Variants in AATK observed in about 807,000 individuals in gnomAD.
AATK encodes lemur tail kinase 1.
A neutral mutation model predicts 114.3 loss-of-function variants in AATK; 91 were observed. That is an observed-to-expected ratio of 0.80 (90% CI 0.67 to 0.95). The LOEUF is 0.95. AATK is among the 40% of genes least tolerant of loss of function. AATK has a pLI of 0.00. For missense variants in AATK, 2,176 were observed against 1,965.2 expected (o/e 1.11, Z -2.03); for synonymous variants, 1,075 against 916.5 (o/e 1.17, Z -3.12).
At chr17:81,151,289 T>G (rs1459753427) in intron 1 of AATK, among the ~76,000 whole-genome samples, 1 of 99,906 alleles carries the variant, frequency 1.0e-5, no homozygotes, top group Admixed American at 9.4e-5. Context: ...CCCACCTGTC[T>G]CCCCCACCGA....
At chr17:81,159,300 G>A (rs960733204) in intron 1 of AATK, among the ~76,000 whole-genome samples, 3 of 152,134 alleles carry the variant, frequency 2.0e-5, no homozygotes, top group African/African-American at 4.8e-5. Flanking sequence ...GAGAGCGAGC[G>A]AGATCCCCAA....
chr17:81,138,315 G>A (rs983928582), intron 1 of AATK, among the ~76,000 whole-genome samples: 2 of 134,896 alleles, frequency 1.5e-5, no homozygotes, highest in African/African-American at 2.9e-5. Flanking sequence ...ATCCACACAC[G>A]TGCACACATA....
In AATK at chr17:81,121,773, C is replaced by A; in HGVS notation, c.2163G>T (p.Pro721=). The A allele has an allele frequency of 6.5e-7, 1 of 1,538,446 alleles. No individual in the cohort carries two copies. Among genetic ancestry groups the A allele is most frequent in the Non-Finnish European group, 8.7e-7 (1 of 1,146,336 alleles). ...PKQTPRASPE[P]GYPGEPLLGL... Reference sequence around the variant, plus strand: ...CAAGCAGAGGCTCTCCAGGGTACCCCGGCTCGGGGGAGGCCCGTGGGGTCT... The same window carrying A: ...CAAGCAGAGGCTCTCCAGGGTACCCAGGCTCGGGGGAGGCCCGTGGGGTCT... Residue 721 remains proline (P), a synonymous_variant, in exon 11 of 14, where the codon CCG becomes CCT. Transcript: ENST00000326724.
At chr17:81,161,051 A>C (rs944828005) in intron 1 of AATK, among the ~76,000 whole-genome samples, 1 of 152,060 alleles carries the variant, frequency 6.6e-6, no homozygotes, top group Non-Finnish European at 1.5e-5. Flanking sequence ...TTCCAAGGAT[A>C]ACTCTTCTCA....
rs2060774679 is a variant in AATK at position 81,124,777 on chromosome 17, C to G, written c.912G>C (p.Glu304Asp). The G allele has an allele frequency of 3.1e-6, 5 of 1,612,928 alleles. No individual in the cohort carries two copies. The highest frequency in any genetic ancestry group is 1.7e-5 in the Admixed American group (1 of 60,016). ...CCACGACGAGCAGGTTGCTATGCACCTCGTCCACCAGCTCTGGCGCGATCC... is the reference window on the plus strand; with the variant it reads ...CCACGACGAGCAGGTTGCTATGCACGTCGTCCACCAGCTCTGGCGCGATCC... Reference protein sequence around the residue: ...LRWIAPELVDEVHSNLLVVDQ... With the variant: ...LRWIAPELVDDVHSNLLVVDQ... Residue 304 changes from glutamate (E) to aspartate (D), a missense_variant, in exon 9 of 14, where the codon GAG becomes GAC. Glu to Asp is a conservative substitution (Grantham distance 45). Coordinates refer to ENST00000326724, the MANE Select transcript of AATK (RefSeq NM_001080395.3).
intron 1 of AATK, among the ~76,000 whole-genome samples, chr17:81,142,737 C>T (rs540801877): frequency 1.9e-4 from 29 of 152,252 alleles, no homozygotes; most frequent in Non-Finnish European, 7.4e-5. Context: ...AGTGGCTTCT[C>T]ACCTGTGAGC....
chr17:81,123,164 C>G, intron 10 of AATK, 30 bp downstream of exon 10: 2 of 1,409,192 alleles, frequency 1.4e-6, no homozygotes, highest in South Asian at 3.1e-5. Context: ...CTCGGCCTGG[C>G]TGTCCGGGAC....
chr17:81,147,223 T>G (rs796183713), intron 1 of AATK, among the ~76,000 whole-genome samples: 8 of 151,430 alleles, frequency 5.3e-5, no homozygotes, highest in Non-Finnish European at 1.0e-4. Context: ...TAGCCAGGCG[T>G]GGTGGCAGGT....
intron 1 of AATK, among the ~76,000 whole-genome samples, chr17:81,138,650 TACCCAC>T (rs2061068893): frequency 1.2e-5 from 1 of 82,052 alleles, no homozygotes; most frequent in Admixed American, 1.5e-4. Flanking sequence ...CATCCACACA[TACCCAC>T]ACACATATCC....
chr17:81,137,466 CTGG>C (rs1490136213), intron 1 of AATK, among the ~76,000 whole-genome samples: 3 of 151,674 alleles, frequency 2.0e-5, no homozygotes, highest in African/African-American at 7.3e-5. Context: ...CTCGGCCACC[CTGG>C]CACCCACAGC....
In AATK at chr17:81,165,997, GGGCCAGC is replaced by G. The variant is rs1437862906; in HGVS notation, c.-12_-6del. 5 of 1,566,276 alleles carry G rather than the reference GGGCCAGC, an allele frequency of 3.2e-6. No homozygotes were observed. The African/African-American group carries it at 7.0e-5, about 22-fold the overall frequency. On this transcript the variant is annotated 5_prime_UTR_variant, in exon 1 of 14. Transcript: ENST00000326724. ...GTTGAAGAAGGACGACGACATGGCCGGGCCAGCGGCCGGCGGGCATCCCGGGAGGGCG... is the reference window on the plus strand; with the variant it reads ...GTTGAAGAAGGACGACGACATGGCCGGGCCGGCGGGCATCCCGGGAGGGCG...
Position 81,120,870 on chromosome 17 carries a change from C to T in AATK, c.3066G>A (p.Gly1022=). 2 of 1,577,040 alleles carry T rather than the reference C, an allele frequency of 1.3e-6. No individual in the cohort carries two copies. The highest frequency in any genetic ancestry group is 1.7e-6 in the Non-Finnish European group (2 of 1,161,556). Residue 1022 remains glycine, a synonymous_variant, in exon 11 of 14, where the codon GGG becomes GGA. Coordinates refer to ENST00000326724, the MANE Select transcript of AATK (RefSeq NM_001080395.3). The stretch of plus-strand genomic sequence containing the variant: ...CAGTGCTCGGCAGGCCCAGCTCTGG[C>T]CCGGGGGCTCGGTCCCCGCCGCACT... The part of the protein sequence containing the change: ...EKKCGGDRAP[G]PELGLPSTGQ...
chr17:81,157,015 G>C (rs1186258029), intron 1 of AATK, among the ~76,000 whole-genome samples: 3 of 152,192 alleles, frequency 2.0e-5, no homozygotes, highest in African/African-American at 7.2e-5. Context: ...GCCCCCACAG[G>C]CCCTGGTGGC....
intron 1 of AATK, among the ~76,000 whole-genome samples, chr17:81,138,885 A>G (rs1226439355): frequency 6.6e-6 from 1 of 151,324 alleles, no homozygotes; most frequent in East Asian, 2.0e-4. Context: ...ATACCCATAC[A>G]CGCACACACA....
At chr17:81,146,096 G>C (rs1014858268) in intron 1 of AATK, among the ~76,000 whole-genome samples, 2 of 151,792 alleles carry the variant, frequency 1.3e-5, no homozygotes, top group Non-Finnish European at 2.9e-5. Context: ...GGCTGAGGCA[G>C]GAGAATGACT....
At chr17:81,142,074 G>T (rs937636974) in intron 1 of AATK, among the ~76,000 whole-genome samples, 1 of 151,582 alleles carries the variant, frequency 6.6e-6, no homozygotes, top group Non-Finnish European at 1.5e-5. Flanking sequence ...TCCCACCTCA[G>T]CCCCCCAAGT....
chr17:81,143,782 A>G (rs1202443079), intron 1 of AATK, among the ~76,000 whole-genome samples: 1 of 152,106 alleles, frequency 6.6e-6, no homozygotes, highest in Non-Finnish European at 1.5e-5. Flanking sequence ...CTCCACCCAC[A>G]CTGCCTCTTC....
intron 1 of AATK, among the ~76,000 whole-genome samples, chr17:81,137,941 TCCACACGCAC>T (rs1360634799): frequency 3.1e-5 from 4 of 128,686 alleles, no homozygotes; most frequent in African/African-American, 5.9e-5. Context: ...CACGCACACA[TCCACACGCAC>T]GCACACATCC....
At chr17:81,142,867 T>C (rs991093487) in intron 1 of AATK, among the ~76,000 whole-genome samples, 1 of 149,888 alleles carries the variant, frequency 6.7e-6, no homozygotes, top group African/African-American at 2.4e-5. Flanking sequence ...GGACGCATCA[T>C]CGGCGTGACC....
Sources: allele counts gnomAD v4.1 joint callset (sites outside exome capture counted in the v4.1 genomes callset), GRCh38; gene constraint gnomAD v4.1.1; transcripts MANE v1.5; gene names NCBI Gene and HGNC (gene_info 2026-07-23, HGNC 2026-07-21).